SFR1: variants seen among roughly 807,000 people sequenced by gnomAD.
SFR1 encodes the protein swi5-dependent recombination DNA repair protein 1 homolog.
A neutral mutation model predicts 26.2 loss-of-function variants in SFR1; 24 were observed. That is an observed-to-expected ratio of 0.92 (90% CI 0.66 to 1.29). The LOEUF (loss-of-function observed/expected upper bound fraction) is 1.29. SFR1 is among the 50% of genes most tolerant of loss of function. The pLI, the probability that SFR1 is intolerant of heterozygous loss-of-function variation, is 0.00. For missense variants in SFR1, 276 were observed against 270.2 expected, an observed-to-expected ratio of 1.02 and a Z score of -0.15; for synonymous variants, 77 against 96.6, an observed-to-expected ratio of 0.80 and a Z score of 1.19.
At chr10:104,122,112 C>A, upstream of SFR1, 1 of 1,527,966 alleles carries the variant, frequency 6.5e-7, no homozygotes, top group Non-Finnish European at 8.9e-7. Context: ...TTCCGCCTAC[C>A]GCACGGCCCC....
intron 3 of SFR1, among the ~76,000 whole-genome samples, chr10:104,124,716 A>G (rs1035341778): frequency 3.9e-5 from 6 of 152,052 alleles, no homozygotes; most frequent in African/African-American, 1.4e-4. Flanking sequence ...GGGATAGTGT[A>G]TCTCATTTGT....
At position 104,124,211 on chromosome 10, in the gene SFR1, AC is replaced by A. The variant is rs1234667924; in HGVS notation, c.546+89del. 1.4e-4 allele frequency: 159 copies of A among 1,166,656 alleles called. 1 individual carries two copies. The highest frequency in any genetic ancestry group is 1.8e-4 in the Non-Finnish European group (151 of 862,768). The allele number at this position is 1,166,656 out of a possible 1,614,324, so 72.3% of individuals were successfully genotyped here. Reference sequence around the variant, plus strand: ...TTTCAAAAATAGAATTTTTTTTTTTACCATAATAAGCAATAAGCCAAATATT... The same window carrying A: ...TTTCAAAAATAGAATTTTTTTTTTTACATAATAAGCAATAAGCCAAATATT... On this transcript the variant is annotated intron_variant, in intron 3 of 3. Transcript: ENST00000369727.
chr10:104,120,873 C>A (rs1281026056), upstream of SFR1, among the ~76,000 whole-genome samples: 1 of 152,278 alleles, frequency 6.6e-6, no homozygotes, highest in Admixed American at 6.5e-5. Flanking sequence ...TCAGGTAACT[C>A]CCTTTTGGCC....
chr10:104,123,602 A>C, intron 2 of SFR1, 112 bp from the exon 3 acceptor site: 1 of 724,852 alleles, frequency 1.4e-6, no homozygotes, highest in Non-Finnish European at 2.1e-6. Context: ...GGAGACAGAA[A>C]GCCATCTAGT....
upstream of SFR1, among the ~76,000 whole-genome samples, chr10:104,121,765 A>C (rs536555167): frequency 3.9e-5 from 6 of 152,300 alleles, no homozygotes; most frequent in South Asian, 2.1e-4. Flanking sequence ...GGAAGCCTGA[A>C]GGGAAGGCGG....
intron 1 of SFR1, chr10:104,122,704 G>A: frequency 2.9e-6 from 4 of 1,380,870 alleles, no homozygotes; most frequent in Non-Finnish European, 3.7e-6. Context: ...AATATATTTT[G>A]GTGGATGAAA....
chr10:104,123,027 A>G lies in SFR1; in HGVS notation c.76A>G (p.Ser26Gly). 1 of 1,613,584 alleles carries G rather than the reference A, an allele frequency of 6.2e-7. No homozygotes were observed. ...SPSDSAVVLP[S>G]TPQASANPSS... ...GTCAGACTCAGCTGTGGTTTTACCT[A>G]GCACTCCTCAGGCCTCTGCGAATCC... The change falls in exon 2 of 4, where the codon AGC becomes GGC. Residue 26 changes from serine (S) to glycine (G), a missense_variant. Transcript: ENST00000369727.
At chr10:104,123,693 A>C in intron 2 of SFR1, 21 bp from the exon 3 acceptor site, 1 of 1,513,508 alleles carries the variant, frequency 6.6e-7, no homozygotes, top group Non-Finnish European at 8.8e-7. Context: ...TCACATTTTT[A>C]ATGTTTTGTG....
chr10:104,120,749 A>G (rs899440504), upstream of SFR1, among the ~76,000 whole-genome samples: 3 of 152,188 alleles, frequency 2.0e-5, no homozygotes, highest in African/African-American at 7.2e-5. Flanking sequence ...AGAAGCACAT[A>G]AAGTATGGTG....
rs1357898727 is a variant in SFR1, at chr10:104,125,891, G to C, written c.*187G>C. On this transcript the variant is annotated 3_prime_UTR_variant, in exon 4 of 4. Coordinates refer to ENST00000369727, the MANE Select transcript of SFR1 (RefSeq NM_001002759.2). ...AGCAATTCTCCTGCCTCAGCCTCCCGAGTAGCTGAGATTACAGGCGCCCGC... is the reference window on the plus strand; with the variant it reads ...AGCAATTCTCCTGCCTCAGCCTCCCCAGTAGCTGAGATTACAGGCGCCCGC... 2.4e-6 allele frequency: 1 copy of C among 414,564 alleles called. No homozygotes were observed. Among genetic ancestry groups the C allele is most frequent in the Admixed American group, 4.1e-5 (1 of 24,570 alleles). The allele number at this position is 414,564 out of a possible 1,614,324, so 25.7% of individuals were successfully genotyped here.
Position 104,123,706 on chromosome 10 carries a change from C to G in SFR1, c.136-8C>G. 1.3e-6 allele frequency: 2 copies of G among 1,560,796 alleles called. No individual in the cohort carries two copies. The highest frequency in any genetic ancestry group is 1.7e-6 in the Non-Finnish European group (2 of 1,157,676). Reference sequence around the variant, plus strand: ...ATTCACATTTTTAATGTTTTGTGCTCTTTATAGCCTATGAGTGCAACACTT... The same window carrying G: ...ATTCACATTTTTAATGTTTTGTGCTGTTTATAGCCTATGAGTGCAACACTT... On this transcript the variant is annotated splice_polypyrimidine_tract_variant and splice_region_variant and intron_variant, in intron 2 of 3. Transcript: ENST00000369727.
At chr10:104,121,620 G>A (rs971638459), upstream of SFR1, among the ~76,000 whole-genome samples, 1 of 152,150 alleles carries the variant, frequency 6.6e-6, no homozygotes, top group African/African-American at 2.4e-5. Context: ...GCTTCTGGCC[G>A]CCCCACGTCT....
Position 104,122,989 on chromosome 10 carries a change from A to G in SFR1, c.38A>G (p.Lys13Arg). The change falls in exon 2 of 4, where the codon AAG becomes AGG. Residue 13 changes from lysine to arginine, a missense_variant. Lys to Arg is a conservative substitution (Grantham distance 26). Coordinates refer to ENST00000369727, the MANE Select transcript of SFR1 (RefSeq NM_001002759.2). ...EGEKNQDFTFKMESPSDSAVV... is the reference protein window; with the variant it reads ...EGEKNQDFTFRMESPSDSAVV... ...GAGAAAAACCAAGATTTCACTTTCA[A>G]GATGGAAAGTCCGTCAGACTCAGCT... is the stretch of plus-strand genomic sequence containing the variant. 6.2e-7 allele frequency: 1 copy of G among 1,613,866 alleles called. No homozygotes were observed. Among genetic ancestry groups the G allele is most frequent in the Non-Finnish European group, 8.5e-7 (1 of 1,179,860 alleles).
upstream of SFR1, chr10:104,122,162 C>T (rs1388936427): frequency 3.2e-6 from 5 of 1,548,436 alleles, no homozygotes; most frequent in Non-Finnish European, 4.4e-6. Context: ...CAGGTGCGCG[C>T]GCTTTTTTGC....
chr10:104,124,692 G>A (rs1263151276), intron 3 of SFR1, among the ~76,000 whole-genome samples: 1 of 151,936 alleles, frequency 6.6e-6, no homozygotes, highest in Non-Finnish European at 1.5e-5. Context: ...CCTGAATTAC[G>A]TGGAATAAGT....
chr10:104,120,629 G>C (rs1475101661), upstream of SFR1, among the ~76,000 whole-genome samples: 1 of 152,044 alleles, frequency 6.6e-6, no homozygotes, highest in African/African-American at 2.4e-5. Context: ...TAACTACTGA[G>C]TGCTTCCTAG....
chr10:104,123,714 C>A lies in SFR1; in HGVS notation c.136C>A (p.Pro46Thr), dbSNP rs746366309. 4 of 1,577,760 alleles carry A rather than the reference C, an allele frequency of 2.5e-6. No homozygotes were observed. The South Asian group carries it at 4.7e-5, about 19-fold the overall frequency. Residue 46 changes from proline to threonine, a missense_variant and splice_region_variant, in exon 3 of 4, where the codon CCT (proline) becomes ACT (threonine). By Grantham distance (38) the Pro-to-Thr change is conservative. Coordinates refer to ENST00000369727, the MANE Select transcript of SFR1 (RefSeq NM_001002759.2). ...SPYTNSSRKQ[P>T]MSATLRERLR... ...TTTTAATGTTTTGTGCTCTTTATAG[C>A]CTATGAGTGCAACACTTAGAGAAAG...
At position 104,122,225 on chromosome 10, in the gene SFR1, C is replaced by G. The variant is rs961986930; in HGVS notation, c.13+29C>G. On this transcript the variant is annotated intron_variant, in intron 1 of 3. Coordinates refer to ENST00000369727, the MANE Select transcript of SFR1 (RefSeq NM_001002759.2). ...CCCTGCTGAGGGGAAGGGGGGATCCCTGACACCTGGGCTTCCCCGGGAGTC... is the reference window on the plus strand; with the variant it reads ...CCCTGCTGAGGGGAAGGGGGGATCCGTGACACCTGGGCTTCCCCGGGAGTC... 7.8e-6 allele frequency: 12 copies of G among 1,532,294 alleles called. No individual in the cohort carries two copies. The African/African-American group carries it at 1.4e-4, about 18-fold the overall frequency. The allele number at this position is 1,532,294 out of a possible 1,614,324, so 94.9% of individuals were successfully genotyped here.
In SFR1 at chr10:104,123,088, T is replaced by C. The variant is rs1276677492; in HGVS notation, c.135+2T>C. 2 of 1,555,520 alleles carry C rather than the reference T, an allele frequency of 1.3e-6. No individual in the cohort carries two copies. The highest frequency in any genetic ancestry group is 1.2e-5 in the South Asian group (1 of 81,584). ...TATACAAATAGTTCCCGAAAACAAG[T>C]ATGAAAATCTTTGTTCTTCCAGTGG... On this transcript the variant is annotated splice_donor_variant, in intron 2 of 3. Transcript: ENST00000369727. LOFTEE classifies it high-confidence loss of function.
Sources: gnomAD v4.1 joint callset for allele counts (sites outside exome capture counted in the v4.1 genomes callset) on GRCh38, gnomAD v4.1.1 for gene constraint, MANE v1.5 for transcripts, NCBI Gene and HGNC (gene_info 2026-07-23, HGNC 2026-07-21) for gene names.